Variants in HDAC4 observed in about 807,000 individuals in gnomAD.
HDAC4 encodes histone deacetylase A.
A neutral mutation model predicts 135.1 loss-of-function variants in HDAC4; 16 were observed. The ratio of observed to expected loss-of-function variants is 0.12; its 90% CI spans 0.08 to 0.18. The LOEUF (loss-of-function observed/expected upper bound fraction) is 0.18, where lower values mean the gene tolerates loss of function less well. HDAC4 is among the 10% of genes least tolerant of loss of function. HDAC4 has a pLI of 1.00. For synonymous variants in HDAC4, 685 were observed against 653.4 expected (o/e 1.05, Z -0.74); for missense variants, 1,143 against 1,511.8 (o/e 0.76, Z 4.05).
chr2:239,295,134 C>A (rs1451795281), intron 2 of HDAC4, among the ~76,000 whole-genome samples: 1 of 151,302 alleles, frequency 6.6e-6, no homozygotes, highest in Non-Finnish European at 1.5e-5. Context: ...GGTGAAACCC[C>A]GTCTCTACTA....
intron 12 of HDAC4, among the ~76,000 whole-genome samples, chr2:239,126,085 A>G (rs1282711245): frequency 6.6e-6 from 1 of 152,254 alleles, no homozygotes; most frequent in African/African-American, 2.4e-5. Flanking sequence ...AGTGTTGCCC[A>G]AGTAGACTAT....
chr2:239,226,669 G>GGC (rs931332213), intron 3 of HDAC4, among the ~76,000 whole-genome samples: 7 of 152,166 alleles, frequency 4.6e-5, no homozygotes, highest in African/African-American at 1.7e-4. Flanking sequence ...ATGTAATGGG[G>GGC]GGGGTGATAA....
intron 2 of HDAC4, among the ~76,000 whole-genome samples, chr2:239,274,895 A>C (rs1008825381): frequency 1.3e-5 from 2 of 152,170 alleles, no homozygotes; most frequent in Non-Finnish European, 2.9e-5. Context: ...CTTGGTTTGA[A>C]GGAGGGGAGG....
At chr2:239,061,148 GGTGT>G (rs1246483289) in intron 24 of HDAC4, among the ~76,000 whole-genome samples, 2 of 152,098 alleles carry the variant, frequency 1.3e-5, no homozygotes, top group African/African-American at 2.4e-5. Context: ...GTGAGTGTGT[GGTGT>G]GTGTAAGCAT....
intron 1 of HDAC4, among the ~76,000 whole-genome samples, chr2:239,364,226 T>C (rs902242651): frequency 5.9e-5 from 9 of 152,096 alleles, no homozygotes; most frequent in Admixed American, 2.6e-4. Flanking sequence ...CAGAAAGACA[T>C]CTACGAAGAC....
intron 2 of HDAC4, among the ~76,000 whole-genome samples, chr2:239,286,273 GA>G (rs2125443897): frequency 6.6e-6 from 1 of 152,274 alleles, no homozygotes; most frequent in Non-Finnish European, 1.5e-5. Context: ...AAGTGTAATT[GA>G]TGCATTTTAA....
Position 239,189,827 on chromosome 2 carries a change from C to T in HDAC4, c.339+6G>A, listed in dbSNP as rs372303418. On this transcript the variant is annotated splice_donor_region_variant and intron_variant, in intron 4 of 26. Transcript: ENST00000543185. ...GGCCCACCCGCAGCCCCGCACCGCG[C>T]CTCACCTTGATGTGCTCGTGGAGCT... The T allele has an allele frequency of 1.9e-6, 3 of 1,603,988 alleles. No homozygotes were observed. The highest frequency in any genetic ancestry group is 1.3e-5 in the African/African-American group (1 of 74,834).
intron 7 of HDAC4, among the ~76,000 whole-genome samples, chr2:239,151,407 TTCCCC>T (rs2042110560): frequency 6.6e-6 from 1 of 152,138 alleles, no homozygotes; most frequent in Non-Finnish European, 1.5e-5. Flanking sequence ...GCGGGACAGC[TTCCCC>T]CCAAAATGGA....
At chr2:239,174,810 A>G (rs189226509) in intron 5 of HDAC4, among the ~76,000 whole-genome samples, 11 of 152,368 alleles carry the variant, frequency 7.2e-5, no homozygotes, top group African/African-American at 1.7e-4. Flanking sequence ...ATAGATAATG[A>G]ATGACCTCTT....
In HDAC4 at chr2:239,066,643, T is replaced by G. The variant is rs991822152; in HGVS notation, c.3003+79A>C. The G allele has an allele frequency of 2.5e-6, 4 of 1,603,404 alleles. No homozygotes were observed. In the Admixed American group the frequency reaches 5.0e-5, roughly 20 times the overall value. ...GAGACCCACTGGCTTTTTCATGCTC[T>G]GGGGCTCTCGGGCAGCCAGGCCACA... On this transcript the variant is annotated intron_variant, in intron 24 of 26. Transcript: ENST00000543185.
intron 2 of HDAC4, among the ~76,000 whole-genome samples, chr2:239,316,970 G>A (rs1294249284): frequency 1.3e-5 from 2 of 152,100 alleles, no homozygotes. Context: ...AATACAAACA[G>A]AAACAAATAA....
At chr2:239,247,263 C>A (rs887780349) in intron 2 of HDAC4, among the ~76,000 whole-genome samples, 1 of 152,222 alleles carries the variant, frequency 6.6e-6, no homozygotes, top group Non-Finnish European at 1.5e-5. Flanking sequence ...TCTAAACTAA[C>A]ACCTTTTCAC....
At chr2:239,365,709 C>G (rs1257310684) in intron 1 of HDAC4, among the ~76,000 whole-genome samples, 2 of 152,068 alleles carry the variant, frequency 1.3e-5, no homozygotes, top group Admixed American at 1.3e-4. Context: ...GGGACACACA[C>G]AGACATGCAT....
chr2:239,267,606 T>C (rs2049815392), intron 2 of HDAC4, among the ~76,000 whole-genome samples: 1 of 152,230 alleles, frequency 6.6e-6, no homozygotes, highest in Non-Finnish European at 1.5e-5. Flanking sequence ...TCCGTGACAC[T>C]TCCTCACCAG....
At chr2:239,195,621 A>G (rs2045329982) in intron 3 of HDAC4, among the ~76,000 whole-genome samples, 1 of 152,258 alleles carries the variant, frequency 6.6e-6, no homozygotes, top group Non-Finnish European at 1.5e-5. Context: ...AGAAGCTGCT[A>G]GTGCTTTTGA....
chr2:239,318,218 G>C (rs898571566), intron 2 of HDAC4, among the ~76,000 whole-genome samples: 1 of 152,158 alleles, frequency 6.6e-6, no homozygotes, highest in Non-Finnish European at 1.5e-5. Flanking sequence ...GGAAACACCC[G>C]CCAGCATCAC....
intron 8 of HDAC4, 53 bp downstream of exon 8, chr2:239,144,530 G>C (rs1411824912): frequency 6.2e-7 from 1 of 1,610,766 alleles, no homozygotes; most frequent in African/African-American, 1.3e-5. Context: ...CCTATGGCAG[G>C]AAGGCCTGGC....
intron 2 of HDAC4, among the ~76,000 whole-genome samples, chr2:239,279,290 G>A (rs1163515155): frequency 2.0e-5 from 3 of 152,228 alleles, no homozygotes; most frequent in African/African-American, 7.2e-5. Flanking sequence ...GCTGAAAACA[G>A]TGACTGAACA....
intron 2 of HDAC4, among the ~76,000 whole-genome samples, chr2:239,294,264 T>C (rs1016984055): frequency 6.9e-6 from 1 of 144,996 alleles, no homozygotes; most frequent in Non-Finnish European, 1.5e-5. Context: ...CTTCTGAACC[T>C]GGGCACAGAA....
Sources: allele counts gnomAD v4.1 joint callset (sites outside exome capture counted in the v4.1 genomes callset), GRCh38; gene constraint gnomAD v4.1.1; transcripts MANE v1.5; gene names NCBI Gene and HGNC (gene_info 2026-07-23, HGNC 2026-07-21).